The following FAM174A variants were observed in gnomAD, a reference collection of about 807,000 sequenced individuals.
FAM174A encodes the protein family with sequence similarity 174 member A.
Under a neutral mutation model 14.3 loss-of-function variants are expected in FAM174A, and 14 were observed. The observed-to-expected ratio is 0.98, with a 90% CI of 0.65 to 1.53. The LOEUF (loss-of-function observed/expected upper bound fraction) is 1.53. FAM174A is among the 40% of genes most tolerant of loss of function. FAM174A has a pLI of 0.00. For missense variants in FAM174A, 241 were observed against 249.6 expected (o/e 0.97, Z 0.23); for synonymous variants, 108 against 111.4 (o/e 0.97, Z 0.19).
intron 2 of FAM174A, among the ~76,000 whole-genome samples, chr5:100,568,347 G>A (rs1453815696): frequency 6.6e-6 from 1 of 151,758 alleles, no homozygotes; most frequent in Admixed American, 6.6e-5. Context: ...TTGAAATCAG[G>A]CATTTCTCCA....
intron 1 of FAM174A, among the ~76,000 whole-genome samples, chr5:100,557,408 G>T (rs1188173482): frequency 2.6e-5 from 4 of 151,892 alleles, no homozygotes; most frequent in Admixed American, 1.3e-4. Context: ...TTTTTTTGTT[G>T]TGTCTCTGCC....
chr5:100,562,994 C>T (rs1313229474), intron 2 of FAM174A, among the ~76,000 whole-genome samples: 1 of 151,710 alleles, frequency 6.6e-6, no homozygotes, highest in East Asian at 1.9e-4. Flanking sequence ...GCAAAGAAAA[C>T]AGAAATCTTA....
At chr5:100,564,741 T>C (rs890833209) in intron 2 of FAM174A, among the ~76,000 whole-genome samples, 1 of 151,840 alleles carries the variant, frequency 6.6e-6, no homozygotes, top group Non-Finnish European at 1.5e-5. Flanking sequence ...GAGACTACTA[T>C]GAACAATTAT....
chr5:100,577,185 A>G (rs927029630), intron 2 of FAM174A, among the ~76,000 whole-genome samples: 1 of 152,166 alleles, frequency 6.6e-6, no homozygotes, highest in Non-Finnish European at 1.5e-5. Flanking sequence ...ATAAATATGT[A>G]AAACTATTAT....
At chr5:100,546,999 T>G (rs868726210) in intron 1 of FAM174A, among the ~76,000 whole-genome samples, 9 of 152,136 alleles carry the variant, frequency 5.9e-5, no homozygotes, top group African/African-American at 2.2e-4. Flanking sequence ...TGCCTCATGT[T>G]CCTGTGTGCA....
At chr5:100,568,344 C>G (rs760425912) in intron 2 of FAM174A, among the ~76,000 whole-genome samples, 3 of 151,976 alleles carry the variant, frequency 2.0e-5, no homozygotes, top group South Asian at 4.1e-4. Flanking sequence ...GCCTTGAAAT[C>G]AGGCATTTCT....
At chr5:100,557,320 C>T (rs1339024414) in intron 1 of FAM174A, among the ~76,000 whole-genome samples, 1 of 152,042 alleles carries the variant, frequency 6.6e-6, no homozygotes, top group Non-Finnish European at 1.5e-5. Context: ...TTTTGATGTG[C>T]TGCTGGATTC....
chr5:100,582,797 G>A (rs938059264), intron 2 of FAM174A, among the ~76,000 whole-genome samples: 1 of 152,042 alleles, frequency 6.6e-6, no homozygotes, highest in African/African-American at 2.4e-5. Context: ...TGTAGCTTTA[G>A]TAATCCTCAT....
intron 2 of FAM174A, among the ~76,000 whole-genome samples, chr5:100,570,446 A>G (rs1212694544): frequency 6.6e-6 from 1 of 151,948 alleles, no homozygotes; most frequent in African/African-American, 2.4e-5. Context: ...CACTGATCTT[A>G]TTGTGGCTCA....
In FAM174A at chr5:100,555,156, G is replaced by C. The variant is rs527309626; in HGVS notation, c.435-6898G>C. ...ATGTGTTCTCATTGTTCAATTCCCA[G>C]CTATGAGTGAGAACATGCGGTGTTT... is the stretch of plus-strand genomic sequence containing the variant. On this transcript the variant is annotated intron_variant, in intron 1 of 2. Coordinates refer to ENST00000312637, the MANE Select transcript of FAM174A (RefSeq NM_198507.3). 2.0e-3 allele frequency among the ~76,000 whole-genome samples: 299 copies of C among 149,582 alleles called. 3 individuals carry two copies. The highest frequency in any genetic ancestry group is 7.1e-3 in the African/African-American group (289 of 40,766).
intron 1 of FAM174A, among the ~76,000 whole-genome samples, chr5:100,555,548 G>C (rs1238524185): frequency 2.0e-5 from 3 of 152,000 alleles, no homozygotes; most frequent in Non-Finnish European, 4.4e-5. Context: ...CCCACCAACA[G>C]TGTAAAAGTG....
intron 1 of FAM174A, among the ~76,000 whole-genome samples, chr5:100,558,089 C>A (rs933729429): frequency 6.6e-6 from 1 of 152,126 alleles, no homozygotes; most frequent in African/African-American, 2.4e-5. Flanking sequence ...CTATAAATTT[C>A]CCTCTACACA....
chr5:100,581,517 C>T (rs552133557), intron 2 of FAM174A: 80 of 314,048 alleles, frequency 2.5e-4, no homozygotes, highest in Non-Finnish European at 3.0e-4. Flanking sequence ...CTTTGGGAGG[C>T]CAAGGTGGGC....
chr5:100,539,084 T>TA (rs1561310921), intron 1 of FAM174A, among the ~76,000 whole-genome samples: 1 of 152,192 alleles, frequency 6.6e-6, no homozygotes, highest in East Asian at 1.9e-4. Context: ...CTACTTTTTT[T>TA]AAAAAAAATC....
At chr5:100,553,809 G>A (rs1016965023) in intron 1 of FAM174A, among the ~76,000 whole-genome samples, 1 of 152,112 alleles carries the variant, frequency 6.6e-6, no homozygotes, top group Non-Finnish European at 1.5e-5. Flanking sequence ...TATACAGATA[G>A]GGAAAATAGT....
At chr5:100,561,688 G>A (rs1746525200) in intron 1 of FAM174A, among the ~76,000 whole-genome samples, 1 of 151,868 alleles carries the variant, frequency 6.6e-6, no homozygotes, top group African/African-American at 2.4e-5. Context: ...AAGCGGGGAG[G>A]ACATGGGGAA....
At chr5:100,578,946 T>G (rs1179023111) in intron 2 of FAM174A, among the ~76,000 whole-genome samples, 1 of 151,784 alleles carries the variant, frequency 6.6e-6, no homozygotes, top group African/African-American at 2.4e-5. Context: ...GCATACCTAT[T>G]TCAATATTTG....
chr5:100,567,628 A>G (rs1746690463), intron 2 of FAM174A, among the ~76,000 whole-genome samples: 1 of 151,982 alleles, frequency 6.6e-6, no homozygotes, highest in South Asian at 2.1e-4. Flanking sequence ...ACTAGTTATT[A>G]GCATTTTATC....
chr5:100,536,652 A>C (rs751950076), intron 1 of FAM174A, among the ~76,000 whole-genome samples: 2 of 152,210 alleles, frequency 1.3e-5, no homozygotes, highest in Non-Finnish European at 2.9e-5. Flanking sequence ...CAAAGAGATA[A>C]GGTGAGGGAA....
Sources: allele counts gnomAD v4.1 joint callset (sites outside exome capture counted in the v4.1 genomes callset), GRCh38; gene constraint gnomAD v4.1.1; transcripts MANE v1.5; gene names NCBI Gene and HGNC (gene_info 2026-07-23, HGNC 2026-07-21).